Variants in COX7B2 observed in about 807,000 individuals in gnomAD.
COX7B2 encodes cytochrome c oxidase subunit 7B2, mitochondrial.
For missense variants in COX7B2, 109 were observed against 95.9 expected (o/e 1.14, Z -0.57); for synonymous variants, 37 against 32.1 (o/e 1.15, Z -0.51).
At chr4:46,758,833 T>C (rs1037579534) in intron 2 of COX7B2, among the ~76,000 whole-genome samples, 1 of 152,090 alleles carries the variant, frequency 6.6e-6, no homozygotes, top group East Asian at 1.9e-4. Flanking sequence ...AGGCCTAAGA[T>C]AGAAAATTTA....
chr4:46,884,377 A>T (rs1387358230), intron 1 of COX7B2, among the ~76,000 whole-genome samples: 1 of 152,162 alleles, frequency 6.6e-6, no homozygotes, highest in Non-Finnish European at 1.5e-5. Flanking sequence ...TTTTAAGAAA[A>T]GTTTCTGTTC....
chr4:46,754,728 G>GTGTGTATATATATATATA (rs1333586285), intron 2 of COX7B2, among the ~76,000 whole-genome samples: 13 of 39,866 alleles, frequency 3.3e-4, no homozygotes, highest in Non-Finnish European at 4.9e-4. Flanking sequence ...GTGTGTGTGT[G>GTGTGTATATATATATATA]TATATATATA....
intron 2 of COX7B2, among the ~76,000 whole-genome samples, chr4:46,744,240 C>T (rs1374582940): frequency 1.3e-5 from 2 of 151,974 alleles, no homozygotes; most frequent in African/African-American, 4.8e-5. Flanking sequence ...GTACCAGATC[C>T]CCGCATCCAG....
chr4:46,824,772 A>G (rs1714561171), intron 2 of COX7B2, among the ~76,000 whole-genome samples: 1 of 152,156 alleles, frequency 6.6e-6, no homozygotes, highest in Non-Finnish European at 1.5e-5. Context: ...AGAACTAAAG[A>G]CAAAAAACAC....
At chr4:46,899,722 T>C (rs1160156039) in intron 1 of COX7B2, among the ~76,000 whole-genome samples, 1 of 152,186 alleles carries the variant, frequency 6.6e-6, no homozygotes. Flanking sequence ...AATAAATAAA[T>C]GTAAAAGTAT....
intron 2 of COX7B2, among the ~76,000 whole-genome samples, chr4:46,780,448 C>A (rs1416406788): frequency 6.6e-6 from 1 of 152,118 alleles, no homozygotes; most frequent in Non-Finnish European, 1.5e-5. Flanking sequence ...ACCCAGGAGG[C>A]AGAGCTTGCA....
intron 2 of COX7B2, among the ~76,000 whole-genome samples, chr4:46,808,806 T>C (rs2109654635): frequency 6.6e-6 from 1 of 152,058 alleles, no homozygotes; most frequent in South Asian, 2.1e-4. Flanking sequence ...GTGGTTTATA[T>C]CTTTTATTCT....
chr4:46,755,904 T>C (rs1715766700), intron 2 of COX7B2, among the ~76,000 whole-genome samples: 1 of 151,468 alleles, frequency 6.6e-6, no homozygotes, highest in South Asian at 2.1e-4. Context: ...ATATAAAGAG[T>C]CAATGCAATC....
At chr4:46,814,720 A>G (rs916101948) in intron 2 of COX7B2, among the ~76,000 whole-genome samples, 15 of 152,228 alleles carry the variant, frequency 9.9e-5, no homozygotes, top group East Asian at 3.9e-4. Flanking sequence ...ACGTCAATGT[A>G]TCACTGATGA....
intron 1 of COX7B2, among the ~76,000 whole-genome samples, chr4:46,892,045 C>T (rs1719461056): frequency 6.6e-6 from 1 of 152,166 alleles, no homozygotes; most frequent in Non-Finnish European, 1.5e-5. Context: ...TACTGGAGTA[C>T]AACCCACAGG....
At position 46,872,810 on chromosome 4, in the gene COX7B2, TA is replaced by T. The variant is rs1176572761; in HGVS notation, c.-104-27797del. On this transcript the variant is annotated intron_variant, in intron 1 of 2. Transcript: ENST00000355591. The stretch of plus-strand genomic sequence containing the variant: ...GGGGATAATTATGCTAACTTCTTCA[TA>T]GGGTTTTGGTGTTAATTTTTTTTTA... 2.6e-5 allele frequency among the ~76,000 whole-genome samples: 4 copies of T among 152,244 alleles called. No individual in the cohort carries two copies. The East Asian group carries it at 5.8e-4, about 22-fold the overall frequency.
At chr4:46,853,217 G>T (rs145584144) in intron 1 of COX7B2, among the ~76,000 whole-genome samples, 61 of 152,236 alleles carry the variant, frequency 4.0e-4, no homozygotes, top group African/African-American at 1.4e-3. Flanking sequence ...TCACTATTGT[G>T]AGTAACAGGG....
At position 46,752,747 on chromosome 4, in the gene COX7B2, C is replaced by A. The variant is rs533902790; in HGVS notation, c.-49-17506G>T. Among the ~76,000 whole-genome samples the A allele has an allele frequency of 9.9e-5, 15 of 152,258 alleles. 1 individual carries two copies. Among genetic ancestry groups the A allele is most frequent in the African/African-American group, 1.9e-4 (8 of 41,534 alleles). On this transcript the variant is annotated intron_variant, in intron 2 of 2. Transcript: ENST00000355591. ...TATTGATTTGCATATGTTGAACCAG[C>A]CTTGCATCCCATGGATGAAGCCCAC...
chr4:46,744,738 A>ATTTT (rs773481406), intron 2 of COX7B2, among the ~76,000 whole-genome samples: 10,855 of 123,940 alleles, frequency 0.088, 408 homozygotes, highest in East Asian at 0.2. Context: ...AGATATTTTA[A>ATTTT]TTTTTTTTTT....
chr4:46,811,732 T>C (rs1024688777), intron 2 of COX7B2, among the ~76,000 whole-genome samples: 1 of 152,234 alleles, frequency 6.6e-6, no homozygotes, highest in Non-Finnish European at 1.5e-5. Context: ...TCTGAATTGA[T>C]GTCTGTGCAT....
At chr4:46,840,851 G>T (rs1184956067) in intron 2 of COX7B2, among the ~76,000 whole-genome samples, 3 of 152,104 alleles carry the variant, frequency 2.0e-5, no homozygotes, top group Non-Finnish European at 2.9e-5. Flanking sequence ...GCAGTGGGAA[G>T]TTAGTCTGGG....
intron 1 of COX7B2, among the ~76,000 whole-genome samples, chr4:46,845,836 T>C (rs1333166714): frequency 6.6e-6 from 1 of 152,004 alleles, no homozygotes; most frequent in Non-Finnish European, 1.5e-5. Context: ...AGAGGCAACA[T>C]TTGATGTAAA....
chr4:46,853,982 A>T (rs1473795561), intron 1 of COX7B2, among the ~76,000 whole-genome samples: 1 of 152,176 alleles, frequency 6.6e-6, no homozygotes, highest in Non-Finnish European at 1.5e-5. Flanking sequence ...TGGATAATTC[A>T]AGTGAAGGTT....
intron 2 of COX7B2, among the ~76,000 whole-genome samples, chr4:46,822,443 G>C (rs1474302880): frequency 6.6e-6 from 1 of 152,082 alleles, no homozygotes; most frequent in Non-Finnish European, 1.5e-5. Flanking sequence ...CAGAGGAAGA[G>C]AGAAGTATCT....
Sources: allele counts gnomAD v4.1 joint callset (sites outside exome capture counted in the v4.1 genomes callset), GRCh38; gene constraint gnomAD v4.1.1; transcripts MANE v1.5; gene names NCBI Gene and HGNC (gene_info 2026-07-23, HGNC 2026-07-21).